MYO10: variants seen among roughly 807,000 people sequenced by gnomAD.
MYO10 encodes unconventional myosin-X.
In MYO10, 133 loss-of-function variants were observed where a neutral mutation model predicts 257.3. The ratio of observed to expected loss-of-function variants is 0.52; its 90% CI spans 0.45 to 0.60. MYO10 has a LOEUF of 0.60. Ranked by LOEUF, MYO10 falls within the 20% of genes least tolerant of loss-of-function variation. The pLI, the probability that MYO10 is intolerant of heterozygous loss-of-function variation, is 0.00. For missense variants in MYO10, 2,399 were observed against 2,635.7 expected (o/e 0.91, Z 1.97); for synonymous variants, 1,104 against 1,028.6 (o/e 1.07, Z -1.40).
intron 27 of MYO10, among the ~76,000 whole-genome samples, chr5:16,692,411 C>A (rs1257426146): frequency 1.3e-5 from 2 of 151,902 alleles, no homozygotes; most frequent in African/African-American, 4.8e-5. Flanking sequence ...CAGAGTGAGA[C>A]TTGGTCTCAA....
At chr5:16,675,983 A>G (rs1156416108) in intron 34 of MYO10, 48 bp downstream of exon 34, 1 of 1,564,270 alleles carries the variant, frequency 6.4e-7, no homozygotes, top group Non-Finnish European at 8.7e-7. Context: ...TTAGCAGGGC[A>G]AGTGGAATCA....
intron 1 of MYO10, among the ~76,000 whole-genome samples, chr5:16,934,937 G>A (rs550601011): frequency 1.1e-4 from 17 of 152,118 alleles, no homozygotes; most frequent in Non-Finnish European, 2.2e-4. Flanking sequence ...ACTCTCTCAA[G>A]TCAACTAAGT....
intron 17 of MYO10, 28 bp downstream of exon 17, chr5:16,761,436 G>C (rs1740709812): frequency 1.3e-6 from 2 of 1,528,110 alleles, no homozygotes; most frequent in African/African-American, 2.7e-5. Flanking sequence ...TGCTTGCTAA[G>C]TACTTCTCGG....
At chr5:16,683,798 G>T in intron 30 of MYO10, 82 bp downstream of exon 30, 1 of 1,388,112 alleles carries the variant, frequency 7.2e-7, no homozygotes, top group East Asian at 2.3e-5. Flanking sequence ...CCTGTGAAGA[G>T]GGTCGTGACC....
chr5:16,852,987 TG>T (rs1290671718), intron 2 of MYO10, among the ~76,000 whole-genome samples: 1 of 151,992 alleles, frequency 6.6e-6, no homozygotes, highest in African/African-American at 2.4e-5. Context: ...AGGAATGAAA[TG>T]GGAATGGTTC....
At chr5:16,883,687 C>T (rs572102065) in intron 1 of MYO10, among the ~76,000 whole-genome samples, 1 of 152,306 alleles carries the variant, frequency 6.6e-6, no homozygotes, top group African/African-American at 2.4e-5. Flanking sequence ...AAGTTGCTGA[C>T]CTCTGCTTTA....
chr5:16,840,514 C>A (rs1243975493), intron 2 of MYO10, among the ~76,000 whole-genome samples: 3 of 151,994 alleles, frequency 2.0e-5, no homozygotes, highest in Non-Finnish European at 4.4e-5. Context: ...ACTAGCAAAA[C>A]ACGATCCTTT....
At chr5:16,829,477 C>T (rs1743100818) in intron 2 of MYO10, among the ~76,000 whole-genome samples, 1 of 152,186 alleles carries the variant, frequency 6.6e-6, no homozygotes, top group Admixed American at 6.5e-5. Flanking sequence ...ACAAACACTG[C>T]TGTTCCCAAA....
intron 1 of MYO10, among the ~76,000 whole-genome samples, chr5:16,881,587 T>G (rs568155135): frequency 6.6e-6 from 1 of 152,214 alleles, no homozygotes; most frequent in Non-Finnish European, 1.5e-5. Context: ...GGAAGGGAAA[T>G]GCATTCAAAA....
At chr5:16,738,219 C>G in intron 19 of MYO10, 1 of 985,216 alleles carries the variant, frequency 1.0e-6, no homozygotes, top group Non-Finnish European at 1.2e-6. Context: ...CGAGGCCATG[C>G]CTACCTCCAG....
At chr5:16,841,566 A>T (rs1169917962) in intron 2 of MYO10, among the ~76,000 whole-genome samples, 2 of 152,196 alleles carry the variant, frequency 1.3e-5, no homozygotes, top group Non-Finnish European at 2.9e-5. Context: ...ATTAATGTTC[A>T]TTTGAAAACT....
chr5:16,694,442 C>T lies in MYO10; in HGVS notation c.3729G>A (p.Gln1243=), dbSNP rs1437144295. The T allele has an allele frequency of 1.9e-6, 3 of 1,613,940 alleles. No individual in the cohort carries two copies. Among genetic ancestry groups the T allele is most frequent in the East Asian group, 2.2e-5 (1 of 44,892 alleles). The change falls in exon 27 of 41, where the codon CAG becomes CAA. Residue 1243 remains glutamine (Q), a synonymous_variant. Transcript: ENST00000513610. Reference sequence around the variant, plus strand: ...CGTTTTCAAAGTACATCAGCTTGGACTGGCGGAGGACAAACCAGCGCTTCT... The same window carrying T: ...CGTTTTCAAAGTACATCAGCTTGGATTGGCGGAGGACAAACCAGCGCTTCT... ...NWKKRWFVLR[Q]SKLMYFENDS...
At chr5:16,896,818 G>C (rs1245695084) in intron 1 of MYO10, among the ~76,000 whole-genome samples, 3 of 152,068 alleles carry the variant, frequency 2.0e-5, no homozygotes, top group Non-Finnish European at 2.9e-5. Flanking sequence ...CCTTCTGGGT[G>C]GTTACCAAAA....
At chr5:16,846,090 C>T (rs1166777267) in intron 2 of MYO10, among the ~76,000 whole-genome samples, 2 of 152,166 alleles carry the variant, frequency 1.3e-5, no homozygotes, top group African/African-American at 4.8e-5. Flanking sequence ...GTTCTGGGAG[C>T]CACAGAATAC....
chr5:16,901,141 C>T (rs61567051), intron 1 of MYO10, among the ~76,000 whole-genome samples: 31,988 of 151,958 alleles, frequency 0.21, 4,288 homozygotes, highest in East Asian at 0.37. Flanking sequence ...CCCCCTCTCC[C>T]GAGACTCTTC....
intron 19 of MYO10, among the ~76,000 whole-genome samples, chr5:16,750,521 C>T (rs1456185997): frequency 6.6e-6 from 1 of 152,088 alleles, no homozygotes; most frequent in Non-Finnish European, 1.5e-5. Flanking sequence ...GGCAGCCTGC[C>T]GTAGCAGCCA....
intron 2 of MYO10, among the ~76,000 whole-genome samples, chr5:16,868,119 A>C (rs1374913984): frequency 6.6e-6 from 1 of 152,260 alleles, no homozygotes; most frequent in African/African-American, 2.4e-5. Context: ...AAAGATAATA[A>C]AATAGTTCTA....
chr5:16,714,105 G>A (rs1156467697), intron 19 of MYO10, among the ~76,000 whole-genome samples: 2 of 152,132 alleles, frequency 1.3e-5, no homozygotes, highest in African/African-American at 4.8e-5. Context: ...TGTTTCCAAG[G>A]ACCCTGCAAT....
chr5:16,872,014 C>T (rs1247696673), intron 2 of MYO10, among the ~76,000 whole-genome samples: 1 of 152,194 alleles, frequency 6.6e-6, no homozygotes, highest in Non-Finnish European at 1.5e-5. Context: ...AGTTCAGTTC[C>T]TTCCAAACCC....
Sources: allele counts gnomAD v4.1 joint callset (sites outside exome capture counted in the v4.1 genomes callset), GRCh38; gene constraint gnomAD v4.1.1; transcripts MANE v1.5; gene names NCBI Gene and HGNC (gene_info 2026-07-23, HGNC 2026-07-21).